Variants in MRC2 observed in about 807,000 individuals in gnomAD.
MRC2 encodes mannose receptor C-type 2, also known as C-type mannose receptor 2.
In MRC2, 84 loss-of-function variants were observed where a neutral mutation model predicts 206.2. That is an observed-to-expected ratio of 0.41 (90% CI 0.34 to 0.49). MRC2 has a LOEUF of 0.49. Ranked by LOEUF, MRC2 falls within the 20% of genes least tolerant of loss-of-function variation. The pLI is 0.31. For synonymous variants in MRC2, 798 were observed against 800.0 expected, an observed-to-expected ratio of 1.00 and a Z score of 0.04; for missense variants, 1,676 against 2,001.5, an observed-to-expected ratio of 0.84 and a Z score of 3.10.
chr17:62,655,384 A>G lies in MRC2; in HGVS notation c.119-9164A>G, dbSNP rs2088605418. Among the ~76,000 whole-genome samples, 6 of 150,838 alleles carry G rather than the reference A, an allele frequency of 4.0e-5. No homozygotes were observed. The South Asian group carries it at 1.3e-3, about 32-fold the overall frequency. Reference sequence around the variant, plus strand: ...GTGAAACCCCGTTTCTACTAAAAATACAAAAAAATTAGCCGGGCATGGTGG... The same window carrying G: ...GTGAAACCCCGTTTCTACTAAAAATGCAAAAAAATTAGCCGGGCATGGTGG... On this transcript the variant is annotated intron_variant, in intron 1 of 29. Transcript: ENST00000303375.
In MRC2 at chr17:62,680,006, C is replaced by T. The variant is rs549656048; in HGVS notation, c.2298+104C>T. The T allele has an allele frequency of 2.2e-3, 3,227 of 1,450,032 alleles. 8 individuals are homozygous for T. Among genetic ancestry groups the T allele is most frequent in the Non-Finnish European group, 2.7e-3 (2,927 of 1,072,992 alleles). 89.8% of individuals were successfully genotyped at this position (1,450,032 alleles called of 1,614,324 possible). A position where few individuals can be genotyped will look rare whatever the true frequency, so the allele number is the denominator to read the frequency against. ...TGGGCGGGTTTTCTTGAGGGCCGGG[C>T]CCCCAGTCGGAGCCGGCTTCAGGAA... On this transcript the variant is annotated intron_variant, in intron 14 of 29. Coordinates refer to ENST00000303375, the MANE Select transcript of MRC2 (RefSeq NM_006039.5). This position sits in a 1 kb window ranked among gnomAD's most constrained non-coding sequence, Gnocchi z 4.8.
intron 13 of MRC2, among the ~76,000 whole-genome samples, chr17:62,679,189 C>T (rs2088930528): frequency 6.6e-6 from 1 of 152,182 alleles, no homozygotes; most frequent in Admixed American, 6.5e-5. Flanking sequence ...ATCTGGGCTT[C>T]CTGATAGCTT....
intron 1 of MRC2, among the ~76,000 whole-genome samples, chr17:62,637,036 A>T (rs1374341107): frequency 1.3e-5 from 2 of 152,102 alleles, no homozygotes; most frequent in Non-Finnish European, 2.9e-5. Flanking sequence ...TAGCGCTGCT[A>T]AGGGGAAGCT....
At position 62,667,638 on chromosome 17, in the gene MRC2, A is replaced by T; in HGVS notation, c.1117+105A>T. ...CCTCTCCTCCGGTTACCACCACAGCACAAGGGGACTCTGGATCCTCTGACT... is the reference window on the plus strand; with the variant it reads ...CCTCTCCTCCGGTTACCACCACAGCTCAAGGGGACTCTGGATCCTCTGACT... On this transcript the variant is annotated intron_variant, in intron 6 of 29. Transcript: ENST00000303375. This position sits in a 1 kb window ranked among gnomAD's most constrained non-coding sequence, Gnocchi z 4.1. 7.9e-7 allele frequency: 1 copy of T among 1,268,022 alleles called. No individual in the cohort carries two copies. The highest frequency in any genetic ancestry group is 1.5e-5 in the South Asian group (1 of 68,480). The allele number at this position is 1,268,022 out of a possible 1,614,324, so 78.5% of individuals were successfully genotyped here. A position where few individuals can be genotyped will look rare whatever the true frequency, so the allele number is the denominator to read the frequency against.
rs754082441 is a variant in MRC2 at position 62,677,233 on chromosome 17, T to G, written c.1835-36T>G. On this transcript the variant is annotated intron_variant, in intron 11 of 29. Coordinates refer to ENST00000303375, the MANE Select transcript of MRC2 (RefSeq NM_006039.5). ...TGAGGGAGGACCAGACTATGAATCC[T>G]TCTCAGAGCCTGGGTCTCCCTTCCC... is the stretch of plus-strand genomic sequence containing the variant. 6.0e-6 allele frequency: 9 copies of G among 1,510,352 alleles called. No homozygotes were observed. In the East Asian group the frequency reaches 2.2e-4, roughly 37 times the overall value. 93.6% of individuals were successfully genotyped at this position (1,510,352 alleles called of 1,614,324 possible).
chr17:62,650,822 G>A lies in MRC2; in HGVS notation c.119-13726G>A, dbSNP rs568364898. On this transcript the variant is annotated intron_variant, in intron 1 of 29. Transcript: ENST00000303375. ...GGCAGGCCTGGTTCATGCTTGTGGT[G>A]CTGGTGTAATGATCACTAACTTGCC... Among the ~76,000 whole-genome samples, 14 of 152,270 alleles carry A rather than the reference G, an allele frequency of 9.2e-5. No homozygotes were observed. The East Asian group carries it at 2.5e-3, about 27-fold the overall frequency.
Position 62,692,069 on chromosome 17 carries a change from T to C in MRC2, c.4193-43T>C. 1 of 1,613,824 alleles carries C rather than the reference T, an allele frequency of 6.2e-7. No homozygotes were observed. The highest frequency in any genetic ancestry group is 8.5e-7 in the Non-Finnish European group (1 of 1,179,748). Reference sequence around the variant, plus strand: ...ATGTTTACTTAAGTGATTATTACGATGATCACTGCTATTATTAACTGGCCC... The same window carrying C: ...ATGTTTACTTAAGTGATTATTACGACGATCACTGCTATTATTAACTGGCCC... On this transcript the variant is annotated intron_variant, in intron 28 of 29. Transcript: ENST00000303375. This position sits in a 1 kb window ranked among gnomAD's most constrained non-coding sequence, Gnocchi z 4.2.
At chr17:62,691,334 A>G (rs1473863976) in intron 28 of MRC2, among the ~76,000 whole-genome samples, 1 of 152,234 alleles carries the variant, frequency 6.6e-6, no homozygotes, top group African/African-American at 2.4e-5. Flanking sequence ...CTAGACCACA[A>G]GGCTCGGGGG....
At position 62,666,841 on chromosome 17, in the gene MRC2, C is replaced by T. The variant is rs757014647; in HGVS notation, c.944C>T (p.Ser315Leu). 1.2e-6 allele frequency: 2 copies of T among 1,613,684 alleles called. No homozygotes were observed. The highest frequency in any genetic ancestry group is 2.2e-5 in the East Asian group (1 of 44,858). ...GGAGGCTGGCAGTGGTCGGACAACT[C>T]GCCCCTCAAGTACCTCAACTGGGAG... ...TSGGWQWSDNSPLKYLNWESD... is the reference protein window; with the variant it reads ...TSGGWQWSDNLPLKYLNWESD... The change falls in exon 5 of 30, where the codon TCG becomes TTG. Residue 315 changes from serine to leucine, a missense_variant. Coordinates refer to ENST00000303375, the MANE Select transcript of MRC2 (RefSeq NM_006039.5). This position sits in a 1 kb window ranked among gnomAD's most constrained non-coding sequence, Gnocchi z 5.0.
At chr17:62,684,986 C>CAA (rs2089014819) in intron 20 of MRC2, among the ~76,000 whole-genome samples, 2 of 152,058 alleles carry the variant, frequency 1.3e-5, no homozygotes, top group Admixed American at 1.3e-4. Flanking sequence ...ACTAAAAATA[C>CAA]AAAAAATTAT....
chr17:62,690,575 C>G (rs1319093851), intron 26 of MRC2, 67 bp from the exon 27 acceptor site: 1 of 1,497,452 alleles, frequency 6.7e-7, no homozygotes, highest in African/African-American at 1.5e-5. Context: ...AGGGCTGGAG[C>G]AGCTCTGGGG....
intron 1 of MRC2, among the ~76,000 whole-genome samples, chr17:62,641,920 G>GTGA (rs2147437834): frequency 8.3e-6 from 1 of 120,294 alleles, no homozygotes; most frequent in Non-Finnish European, 1.8e-5. Flanking sequence ...TGTGTGTGTG[G>GTGA]TGGGTCTGTT....
chr17:62,679,712 C>A, intron 13 of MRC2, 88 bp from the exon 14 acceptor site: 3 of 1,309,456 alleles, frequency 2.3e-6, no homozygotes, highest in South Asian at 1.4e-5. Context: ...CTGCCCCGGT[C>A]ACAGCTGCAA....
Position 62,674,125 on chromosome 17 carries a change from C to A in MRC2, c.1524C>A (p.Gly508=). 1.3e-6 allele frequency: 2 copies of A among 1,555,372 alleles called. No homozygotes were observed. Among genetic ancestry groups the A allele is most frequent in the Non-Finnish European group, 1.7e-6 (2 of 1,149,218 alleles). Residue 508 remains glycine (G), a synonymous_variant, in exon 9 of 30, where the codon GGC becomes GGA. Transcript: ENST00000303375. ...QSLPSICKKA[G]QLSQGAAEED... ...TGCCATCCATCTGCAAGAAGGCAGG[C>A]CAGCTGAGCCAGGGGGCCGCCGAGG...
chr17:62,678,430 G>A (rs2088920458), intron 12 of MRC2, 74 bp from the exon 13 acceptor site: 5 of 1,558,450 alleles, frequency 3.2e-6, no homozygotes, highest in Non-Finnish European at 4.3e-6. Context: ...CTGCCATGGT[G>A]GGAAAGGCAG....
intron 1 of MRC2, among the ~76,000 whole-genome samples, chr17:62,655,754 AAAAG>A (rs894304133): frequency 9.2e-5 from 14 of 152,132 alleles, no homozygotes; most frequent in African/African-American, 7.2e-5. Flanking sequence ...AGAAAAGAAA[AAAAG>A]AAAGAAAGAA....
chr17:62,673,562 G>A (rs2088853253), intron 8 of MRC2, among the ~76,000 whole-genome samples: 1 of 143,882 alleles, frequency 7.0e-6, no homozygotes, highest in South Asian at 2.2e-4. Flanking sequence ...AGGCTGGAGT[G>A]CAATGGCACG....
chr17:62,670,436 C>T (rs1336487319), intron 6 of MRC2, among the ~76,000 whole-genome samples: 1 of 152,240 alleles, frequency 6.6e-6, no homozygotes, highest in African/African-American at 2.4e-5. Context: ...TGCCGGGTCT[C>T]CAGGAGCAGG....
chr17:62,658,548 C>G (rs2147457083), intron 1 of MRC2, among the ~76,000 whole-genome samples: 1 of 152,310 alleles, frequency 6.6e-6, no homozygotes, highest in Non-Finnish European at 1.5e-5. Flanking sequence ...AAAGCCCCTC[C>G]CGACTAACCT....
Sources: allele counts gnomAD v4.1 joint callset (sites outside exome capture counted in the v4.1 genomes callset), GRCh38; gene constraint gnomAD v4.1.1; non-coding constraint Gnocchi (gnomAD v3.1); transcripts MANE v1.5; gene names NCBI Gene and HGNC (gene_info 2026-07-23, HGNC 2026-07-21).